Variants in NHS observed in about 807,000 individuals in gnomAD.
The protein encoded by NHS is NHS actin remodeling regulator, also known as actin remodeling regulator NHS.
Under a neutral mutation model 72.5 loss-of-function variants are expected in NHS, and 5 were observed. That is an observed-to-expected ratio of 0.07 (90% CI 0.04 to 0.14). The LOEUF (loss-of-function observed/expected upper bound fraction) is 0.14, where lower values mean the gene tolerates loss of function less well. Among genes scored for constraint, NHS ranks in the 10% least tolerant of loss-of-function variants. The pLI, the probability that NHS is intolerant of heterozygous loss-of-function variation, is 1.00. For synonymous variants in NHS, 464 were observed against 547.7 expected (o/e 0.85, Z 2.13); for missense variants, 1,072 against 1,355.7 (o/e 0.79, Z 3.29).
chrX:17,455,185 A>AGCTG (rs763306957), intron 1 of NHS, among the ~76,000 whole-genome samples: 6 of 111,814 alleles, frequency 5.4e-5, no homozygotes, highest in Admixed American at 9.5e-5. Context: ...CTGGAATCCC[A>AGCTG]GGGCTTTGGA....
At chrX:17,465,816 C>G (rs1234165471) in intron 1 of NHS, among the ~76,000 whole-genome samples, 1 of 112,318 alleles carries the variant, frequency 8.9e-6, no homozygotes, top group African/African-American at 3.2e-5. Context: ...GTCTAACATG[C>G]CAAAGCTGTT....
chrX:17,444,325 C>G (rs904831113), intron 1 of NHS, among the ~76,000 whole-genome samples: 1 of 111,965 alleles, frequency 8.9e-6, no homozygotes, highest in Admixed American at 9.4e-5. Flanking sequence ...CCAACAGCAC[C>G]ACATTCTTGA....
intron 3 of NHS, among the ~76,000 whole-genome samples, chrX:17,715,747 C>T (rs2066361044): frequency 9.0e-6 from 1 of 111,219 alleles, no homozygotes; most frequent in African/African-American, 3.3e-5. Flanking sequence ...TCTCCCTCTT[C>T]CCCCCTCTAC....
At chrX:17,663,822 T>A in intron 1 of NHS, among the ~76,000 whole-genome samples, 1 of 111,967 alleles carries the variant, frequency 8.9e-6, no homozygotes, top group Non-Finnish European at 1.9e-5. Flanking sequence ...GTTTGCACTC[T>A]CATCACCAGC....
At chrX:17,394,929 A>T (rs1276867799) in intron 1 of NHS, among the ~76,000 whole-genome samples, 1 of 111,675 alleles carries the variant, frequency 9.0e-6, no homozygotes, top group Non-Finnish European at 1.9e-5. Flanking sequence ...AAATTCTGTG[A>T]TGGAAATATT....
chrX:17,730,613 A>T (rs2066480636), intron 8 of NHS, among the ~76,000 whole-genome samples: 1 of 112,321 alleles, frequency 8.9e-6, no homozygotes, highest in South Asian at 3.7e-4. Context: ...CATACTGAAG[A>T]TCCACCAAAT....
chrX:17,452,231 G>A (rs1277110023), intron 1 of NHS, among the ~76,000 whole-genome samples: 3 of 111,700 alleles, frequency 2.7e-5, no homozygotes, highest in Non-Finnish European at 3.8e-5. Context: ...CCAATCTAGA[G>A]GATATATGAA....
intron 1 of NHS, among the ~76,000 whole-genome samples, chrX:17,678,731 AAGAG>A (rs907333939): frequency 9.2e-6 from 1 of 108,729 alleles, no homozygotes; most frequent in Non-Finnish European, 1.9e-5. Context: ...AACCATATCA[AAGAG>A]AGAGAGAGAG....
At chrX:17,570,928 CAT>C (rs1345629221) in intron 1 of NHS, among the ~76,000 whole-genome samples, 2 of 112,173 alleles carry the variant, frequency 1.8e-5, no homozygotes, top group African/African-American at 6.5e-5. Context: ...TTGAGATAAT[CAT>C]GTGGTTTTTG....
intron 1 of NHS, among the ~76,000 whole-genome samples, chrX:17,380,486 A>G (rs1280039348): frequency 9.2e-6 from 1 of 109,047 alleles, no homozygotes; most frequent in Non-Finnish European, 1.9e-5. Context: ...CCAAGTAGCT[A>G]GGACTACAGG....
intron 1 of NHS, among the ~76,000 whole-genome samples, chrX:17,662,487 CA>C (rs2147093764): frequency 9.0e-6 from 1 of 111,713 alleles, no homozygotes; most frequent in East Asian, 2.8e-4. Flanking sequence ...CACTGGCAAT[CA>C]AAATTTATCT....
chrX:17,712,232 T>G (rs2066333493), intron 3 of NHS, among the ~76,000 whole-genome samples: 1 of 87,974 alleles, frequency 1.1e-5, no homozygotes, highest in African/African-American at 4.2e-5. Flanking sequence ...TAATATATGC[T>G]TATTGGCCTT....
intron 1 of NHS, among the ~76,000 whole-genome samples, chrX:17,454,319 T>C (rs981924790): frequency 9.0e-6 from 1 of 111,681 alleles, no homozygotes; most frequent in African/African-American, 3.3e-5. Context: ...ACAGAAAACA[T>C]GGGCTACAGC....
At chrX:17,493,729 C>G (rs917656318) in intron 1 of NHS, among the ~76,000 whole-genome samples, 1 of 111,634 alleles carries the variant, frequency 9.0e-6, no homozygotes, top group African/African-American at 3.3e-5. Flanking sequence ...TCAGGCCCCA[C>G]GCCAGATCTA....
chrX:17,723,194 G>C, intron 5 of NHS, among the ~76,000 whole-genome samples: 1 of 111,779 alleles, frequency 8.9e-6, no homozygotes, highest in Non-Finnish European at 1.9e-5. Flanking sequence ...GAAACTGTTG[G>C]CACTGTGACG....
chrX:17,421,208 A>G (rs2064621583), intron 1 of NHS, among the ~76,000 whole-genome samples: 1 of 108,114 alleles, frequency 9.2e-6, no homozygotes, highest in Non-Finnish European at 1.9e-5. Flanking sequence ...CCAGGCAGCC[A>G]CATCAAAAGC....
At chrX:17,459,689 G>A (rs1365741425) in intron 1 of NHS, among the ~76,000 whole-genome samples, 2 of 110,955 alleles carry the variant, frequency 1.8e-5, no homozygotes, top group Middle Eastern at 4.7e-3. Flanking sequence ...ATTGTTGTCC[G>A]TGTTTTGATC....
At chrX:17,634,959 T>C (rs2065838540) in intron 1 of NHS, among the ~76,000 whole-genome samples, 1 of 111,365 alleles carries the variant, frequency 9.0e-6, no homozygotes, top group Admixed American at 9.5e-5. Context: ...TGGGATGAAA[T>C]GTATTCCTTC....
chrX:17,656,825 A>G (rs1271855148), intron 1 of NHS, among the ~76,000 whole-genome samples: 1 of 110,933 alleles, frequency 9.0e-6, no homozygotes, highest in African/African-American at 3.3e-5. Context: ...CGGCTCTGTG[A>G]GTGGAAGGGC....
Sources: allele counts gnomAD v4.1 joint callset (sites outside exome capture counted in the v4.1 genomes callset), GRCh38; gene constraint gnomAD v4.1.1; transcripts MANE v1.5; gene names NCBI Gene and HGNC (gene_info 2026-07-23, HGNC 2026-07-21).